Variants in KCNU1 observed in about 807,000 individuals in gnomAD.
The protein encoded by KCNU1 is potassium calcium-activated channel subfamily U member 1, also known as potassium channel subfamily U member 1.
In KCNU1, 93 loss-of-function variants were observed where a neutral mutation model predicts 126.8. The ratio of observed to expected loss-of-function variants is 0.73; its 90% confidence interval spans 0.62 to 0.87. The LOEUF (loss-of-function observed/expected upper bound fraction) is 0.87. Among genes scored for constraint, KCNU1 ranks in the 40% least tolerant of loss-of-function variants. The pLI is 0.00. For missense variants in KCNU1, 1,330 were observed against 1,367.1 expected (o/e 0.97, Z 0.43); for synonymous variants, 523 against 494.2 (o/e 1.06, Z -0.77).
chr8:36,802,540 G>A (rs1394294960), intron 2 of KCNU1, among the ~76,000 whole-genome samples: 1 of 152,154 alleles, frequency 6.6e-6, no homozygotes, highest in Non-Finnish European at 1.5e-5. Flanking sequence ...AATCACATGG[G>A]AGAGACTTCT....
At chr8:36,805,162 G>A in intron 3 of KCNU1, 33 bp from the exon 4 acceptor site, 1 of 1,502,066 alleles carries the variant, frequency 6.7e-7, no homozygotes, top group African/African-American at 1.4e-5. Context: ...TAAAAATGTT[G>A]ATCTTCACAA....
intron 12 of KCNU1, among the ~76,000 whole-genome samples, chr8:36,835,263 G>A (rs559665564): frequency 6.6e-6 from 1 of 152,166 alleles, no homozygotes; most frequent in South Asian, 2.1e-4. Flanking sequence ...TTTTTCTCTA[G>A]TAGTTGTGGT....
intron 14 of KCNU1, among the ~76,000 whole-genome samples, chr8:36,839,599 GT>G (rs1367128974): frequency 6.6e-6 from 1 of 152,128 alleles, no homozygotes; most frequent in Non-Finnish European, 1.5e-5. Flanking sequence ...TTGTCTATGT[GT>G]TTGTTTTTGT....
chr8:36,900,982 A>C (rs576155927), intron 19 of KCNU1, among the ~76,000 whole-genome samples: 53 of 152,188 alleles, frequency 3.5e-4, no homozygotes, highest in East Asian at 1.4e-3. Context: ...AAGAATTTAC[A>C]AGCCATCTGT....
At chr8:36,788,426 A>G (rs370003606) in intron 2 of KCNU1, among the ~76,000 whole-genome samples, 2 of 152,292 alleles carry the variant, frequency 1.3e-5, no homozygotes, top group African/African-American at 4.8e-5. Context: ...TCCTTTCAGT[A>G]GTGTAGTTTG....
chr8:36,814,486 TGG>T lies in KCNU1; in HGVS notation c.903+112_903+113del, dbSNP rs1803838230. Reference sequence around the variant, plus strand: ...GTTTAAGAGTGAATGTTGCATTACTTGGGGCACATGTCAAGGGCAAATGAAAA... The same window carrying T: ...GTTTAAGAGTGAATGTTGCATTACTTGGCACATGTCAAGGGCAAATGAAAA... On this transcript the variant is annotated intron_variant, in intron 8 of 26. Transcript: ENST00000399881. 2.4e-5 allele frequency: 19 copies of T among 776,596 alleles called. No homozygotes were observed. In the East Asian group the frequency reaches 5.1e-4, roughly 21 times the overall value. The allele number at this position is 776,596 out of a possible 1,614,324, so 48.1% of individuals were successfully genotyped here.
chr8:36,795,065 A>T (rs1460327690), intron 2 of KCNU1, among the ~76,000 whole-genome samples: 1 of 152,202 alleles, frequency 6.6e-6, no homozygotes, highest in African/African-American at 2.4e-5. Context: ...TTGCAAGGAG[A>T]TGGGGCAGGG....
chr8:36,913,282 G>A (rs1807959108), intron 22 of KCNU1, among the ~76,000 whole-genome samples: 1 of 152,058 alleles, frequency 6.6e-6, no homozygotes, highest in Non-Finnish European at 1.5e-5. Flanking sequence ...GGAGCTGACT[G>A]GTTTTGGGGG....
intron 9 of KCNU1, among the ~76,000 whole-genome samples, chr8:36,816,944 AAAC>A (rs148967490): frequency 0.27 from 40,964 of 151,674 alleles, 6,063 homozygotes; most frequent in African/African-American, 0.38. Flanking sequence ...AGAAAAAAAC[AAAC>A]AACAACAACA....
At chr8:36,921,494 C>T (rs1808343577) in intron 23 of KCNU1, among the ~76,000 whole-genome samples, 1 of 151,762 alleles carries the variant, frequency 6.6e-6, no homozygotes, top group Admixed American at 6.6e-5. Flanking sequence ...GCCTGGCCAA[C>T]ATGGTGAAGC....
chr8:36,821,563 G>C (rs536271123), intron 10 of KCNU1, among the ~76,000 whole-genome samples: 8 of 152,288 alleles, frequency 5.3e-5, no homozygotes, highest in Non-Finnish European at 8.8e-5. Context: ...ATTCTATAAA[G>C]AGATGAGACT....
intron 16 of KCNU1, 36 bp from the exon 17 acceptor site, chr8:36,845,544 G>A (rs1225826657): frequency 1.6e-6 from 2 of 1,255,664 alleles, no homozygotes; most frequent in Admixed American, 1.8e-5. Context: ...TGAAATCAGA[G>A]GGAAACATTA....
At chr8:36,787,017 T>G (rs1288370543) in intron 1 of KCNU1, among the ~76,000 whole-genome samples, 2 of 152,172 alleles carry the variant, frequency 1.3e-5, no homozygotes, top group Non-Finnish European at 2.9e-5. Context: ...TTCTGATCAT[T>G]GCAATGATGG....
chr8:36,814,341 A>G lies in KCNU1; in HGVS notation c.867A>G (p.Gly289=), dbSNP rs949691578. 6.2e-7 allele frequency: 1 copy of G among 1,612,544 alleles called. No homozygotes were observed. Among genetic ancestry groups the G allele is most frequent in the Non-Finnish European group, 8.5e-7 (1 of 1,179,172 alleles). Reference sequence around the variant, plus strand: ...ATGTGGTAGCCAAGACATCCTTAGGACGGACCTTCATCATGTTCTTCACAC... The same window carrying G: ...ATGTGGTAGCCAAGACATCCTTAGGGCGGACCTTCATCATGTTCTTCACAC... The part of the protein sequence containing the change: ...FGDVVAKTSL[G]RTFIMFFTLG... Residue 289 remains glycine (G), a synonymous_variant, in exon 8 of 27, where the codon GGA becomes GGG. Coordinates refer to ENST00000399881, the MANE Select transcript of KCNU1 (RefSeq NM_001031836.3).
At chr8:36,933,058 C>A (rs375344516) in intron 26 of KCNU1, 26 bp downstream of exon 26, 20 of 1,303,462 alleles carry the variant, frequency 1.5e-5, no homozygotes, top group Non-Finnish European at 2.1e-5. Flanking sequence ...TGGAAAGCAC[C>A]ATCCACCCAT....
intron 19 of KCNU1, among the ~76,000 whole-genome samples, chr8:36,903,969 G>T (rs543904320): frequency 6.6e-6 from 1 of 152,022 alleles, no homozygotes; most frequent in Non-Finnish European, 1.5e-5. Context: ...CCTCCCACTG[G>T]GTCCCTCCCA....
chr8:36,840,810 C>T (rs777251594), intron 15 of KCNU1, 122 bp from the exon 16 acceptor site: 3 of 751,738 alleles, frequency 4.0e-6, no homozygotes, highest in Admixed American at 2.1e-5. Context: ...GGGATCATTC[C>T]ACATTGGGAG....
chr8:36,815,937 A>G (rs928682447), intron 9 of KCNU1, among the ~76,000 whole-genome samples: 1 of 152,228 alleles, frequency 6.6e-6, no homozygotes, highest in African/African-American at 2.4e-5. Context: ...TAATGTTGTA[A>G]TTCACTGTCA....
intron 19 of KCNU1, among the ~76,000 whole-genome samples, chr8:36,890,157 A>G (rs1563318280): frequency 1.3e-5 from 2 of 152,126 alleles, no homozygotes; most frequent in Non-Finnish European, 2.9e-5. Context: ...ATGTCAAAAG[A>G]TGGTAAGAAA....
Sources: allele counts gnomAD v4.1 joint callset (sites outside exome capture counted in the v4.1 genomes callset), GRCh38; gene constraint gnomAD v4.1.1; transcripts MANE v1.5; gene names NCBI Gene and HGNC (gene_info 2026-07-23, HGNC 2026-07-21).